ELOVL4: variants seen among roughly 807,000 people sequenced by gnomAD.
The protein encoded by ELOVL4 is ELOVL fatty acid elongase 4, also known as very long chain fatty acid elongase 4.
Under a neutral mutation model 42.1 loss-of-function variants are expected in ELOVL4, and 18 were observed. That is an observed-to-expected ratio of 0.43 (90% CI 0.30 to 0.63). The LOEUF (loss-of-function observed/expected upper bound fraction) is 0.63, where lower values mean the gene tolerates loss of function less well. Ranked by LOEUF, ELOVL4 falls within the 30% of genes least tolerant of loss-of-function variation. ELOVL4 has a pLI of 0.15. For synonymous variants in ELOVL4, 117 were observed against 127.0 expected, an observed-to-expected ratio of 0.92 and a Z score of 0.53; for missense variants, 299 against 376.2, an observed-to-expected ratio of 0.79 and a Z score of 1.70.
At chr6:79,920,981 G>A (rs1298215456) in intron 4 of ELOVL4, among the ~76,000 whole-genome samples, 2 of 152,066 alleles carry the variant, frequency 1.3e-5, no homozygotes, top group African/African-American at 4.8e-5. Flanking sequence ...GGGCTAAGAT[G>A]GAAATCTTCA....
At chr6:79,939,829 C>T (rs1774616715) in intron 1 of ELOVL4, among the ~76,000 whole-genome samples, 1 of 152,098 alleles carries the variant, frequency 6.6e-6, no homozygotes. Flanking sequence ...GTAGAGGGTC[C>T]ATATAAGTGG....
At position 79,919,564 on chromosome 6, in the gene ELOVL4, G is replaced by A. The variant is rs759498674; in HGVS notation, c.542-17C>T. 3.1e-6 allele frequency: 5 copies of A among 1,612,408 alleles called. No individual in the cohort carries two copies. Among genetic ancestry groups the A allele is most frequent in the Non-Finnish European group, 4.2e-6 (5 of 1,179,294 alleles). On this transcript the variant is annotated splice_polypyrimidine_tract_variant and intron_variant, in intron 4 of 5. Transcript: ENST00000369816. Reference sequence around the variant, plus strand: ...CAAAAAATGCTTTAGAAAAACAACAGGTAATTACAAGATACAGAAAATTTT... The same window carrying A: ...CAAAAAATGCTTTAGAAAAACAACAAGTAATTACAAGATACAGAAAATTTT...
chr6:79,921,566 T>C (rs1310690656), intron 4 of ELOVL4, 59 bp downstream of exon 4: 2 of 1,503,744 alleles, frequency 1.3e-6, no homozygotes, highest in African/African-American at 2.8e-5. Flanking sequence ...TTCTCATTGC[T>C]TTCCACTGAA....
chr6:79,941,416 A>G (rs1774642967), intron 1 of ELOVL4, among the ~76,000 whole-genome samples: 1 of 152,224 alleles, frequency 6.6e-6, no homozygotes, highest in Non-Finnish European at 1.5e-5. Context: ...ACAGACAATG[A>G]AGAGAACAAT....
intron 4 of ELOVL4, among the ~76,000 whole-genome samples, chr6:79,920,993 A>C (rs1760526714): frequency 6.6e-6 from 1 of 152,116 alleles, no homozygotes; most frequent in African/African-American, 2.4e-5. Context: ...AAATCTTCAG[A>C]TTTGAGGGGC....
rs963371246 is a variant in ELOVL4 at position 79,946,871 on chromosome 6, G to A, written c.100+309C>T. On this transcript the variant is annotated intron_variant, in intron 1 of 5. Transcript: ENST00000369816. ...AGATGTGGGAGCACAGGGTGGGGCG[G>A]CTCCTGCGAGGAGCTCCTGGCTGCA... Among the ~76,000 whole-genome samples the A allele has an allele frequency of 2.0e-5, 3 of 152,204 alleles. No individual in the cohort carries two copies. The East Asian group carries it at 5.8e-4, about 29-fold the overall frequency.
At chr6:79,932,132 C>A (rs1774455580) in intron 1 of ELOVL4, among the ~76,000 whole-genome samples, 1 of 152,136 alleles carries the variant, frequency 6.6e-6, no homozygotes, top group Admixed American at 6.5e-5. Context: ...AGCAATCATA[C>A]AATTTTATCT....
chr6:79,945,058 A>AC (rs1194425957), intron 1 of ELOVL4, among the ~76,000 whole-genome samples: 3 of 150,716 alleles, frequency 2.0e-5, no homozygotes, highest in East Asian at 3.9e-4. Flanking sequence ...TAAATGGGAC[A>AC]CCACAGACTT....
Position 79,916,858 on chromosome 6 carries a change from T to C in ELOVL4, c.695A>G (p.His232Arg). 6.2e-7 allele frequency: 1 copy of C among 1,614,142 alleles called. No homozygotes were observed. The highest frequency in any genetic ancestry group is 8.5e-7 in the Non-Finnish European group (1 of 1,180,022). ...QLIQFHVTIG[H>R]TALSLYTDCP... ...GTCAGTGTAAAGAGACAGTGCCGTGTGCCCAATGGTCACATGGAATTGAAT... is the reference window on the plus strand; with the variant it reads ...GTCAGTGTAAAGAGACAGTGCCGTGCGCCCAATGGTCACATGGAATTGAAT... The change falls in exon 6 of 6, where the codon CAC becomes CGC. Residue 232 changes from histidine (H) to arginine (R), a missense_variant. His to Arg is a conservative substitution (Grantham distance 29, BLOSUM62 0). Transcript: ENST00000369816.
At chr6:79,947,020 T>C (rs1037584777) in intron 1 of ELOVL4, among the ~76,000 whole-genome samples, 160 bp downstream of exon 1, 1 of 152,120 alleles carries the variant, frequency 6.6e-6, no homozygotes, top group African/African-American at 2.4e-5. Context: ...GATTAACCAG[T>C]GCTCAACCGC....
At chr6:79,933,594 G>A (rs995865024) in intron 1 of ELOVL4, among the ~76,000 whole-genome samples, 9 of 152,102 alleles carry the variant, frequency 5.9e-5, no homozygotes, top group Non-Finnish European at 2.9e-5. Flanking sequence ...AAGGGGATAT[G>A]TCAAGAGGCA....
chr6:79,918,760 C>T (rs999001851), intron 5 of ELOVL4, among the ~76,000 whole-genome samples: 1 of 152,232 alleles, frequency 6.6e-6, no homozygotes, highest in African/African-American at 2.4e-5. Flanking sequence ...GAAAGGTACA[C>T]TAATGCACAC....
At chr6:79,927,946 A>T (rs1774371811) in intron 1 of ELOVL4, among the ~76,000 whole-genome samples, 1 of 152,156 alleles carries the variant, frequency 6.6e-6, no homozygotes, top group African/African-American at 2.4e-5. Flanking sequence ...GACTTTTGTT[A>T]AAAAGGCGTT....
In ELOVL4 at chr6:79,919,401, T is replaced by A; in HGVS notation, c.669+19A>T. The stretch of plus-strand genomic sequence containing the variant: ...TTTCAGTATTTTACCAGAAGAAACT[T>A]TGGAAGCATTTAACTCACCAGTTGC... On this transcript the variant is annotated intron_variant, in intron 5 of 5. Transcript: ENST00000369816. 1.2e-6 allele frequency: 2 copies of A among 1,613,352 alleles called. No individual in the cohort carries two copies. The highest frequency in any genetic ancestry group is 1.7e-6 in the Non-Finnish European group (2 of 1,179,460).
rs1290230271 is a variant in ELOVL4 at position 79,944,008 on chromosome 6, C to T, written c.100+3172G>A. On this transcript the variant is annotated intron_variant, in intron 1 of 5. Coordinates refer to ENST00000369816, the MANE Select transcript of ELOVL4 (RefSeq NM_022726.4). ...GACAGCACCCATACCCTGTGAACAA[C>T]AGCTATTTAGAAACAAATGGTCAGA... 2.6e-5 allele frequency among the ~76,000 whole-genome samples: 4 copies of T among 152,172 alleles called. No homozygotes were observed. In the East Asian group the frequency reaches 7.7e-4, roughly 29 times the overall value.
chr6:79,947,103 G>A, intron 1 of ELOVL4, 77 bp downstream of exon 1: 10 of 1,236,862 alleles, frequency 8.1e-6, no homozygotes, highest in Non-Finnish European at 1.2e-5. Flanking sequence ...GTGGGGCCGG[G>A]CCCGGGAGCT....
chr6:79,920,602 C>T (rs1384797987), intron 4 of ELOVL4, among the ~76,000 whole-genome samples: 1 of 152,020 alleles, frequency 6.6e-6, no homozygotes, highest in Non-Finnish European at 1.5e-5. Flanking sequence ...TTCATATACA[C>T]CTTATACATG....
chr6:79,925,137 T>C, intron 2 of ELOVL4, 105 bp from the exon 3 acceptor site: 2 of 777,800 alleles, frequency 2.6e-6, no homozygotes, highest in Admixed American at 2.5e-5. Context: ...AAACACAATA[T>C]TTTCTTTAAA....
intron 5 of ELOVL4, 95 bp from the exon 6 acceptor site, chr6:79,916,978 A>T: frequency 1.3e-6 from 2 of 1,482,696 alleles, no homozygotes; most frequent in East Asian, 2.4e-5. Flanking sequence ...CACAGGCCCA[A>T]ATTTTGCCAC....
Sources: allele counts gnomAD v4.1 joint callset (sites outside exome capture counted in the v4.1 genomes callset), GRCh38; gene constraint gnomAD v4.1.1; transcripts MANE v1.5; gene names NCBI Gene and HGNC (gene_info 2026-07-23, HGNC 2026-07-21).